The following TRAPPC12 variants were observed in gnomAD, a reference collection of about 807,000 sequenced individuals.
TRAPPC12 encodes the protein trafficking protein particle complex subunit 12.
In TRAPPC12, 61 loss-of-function variants were observed where a neutral mutation model predicts 69.2. The ratio of observed to expected loss-of-function variants is 0.88; its 90% CI spans 0.72 to 1.09. TRAPPC12 has a LOEUF of 1.09. TRAPPC12 is among the 50% of genes least tolerant of loss of function. The pLI is 0.00. For missense variants in TRAPPC12, 1,101 were observed against 1,016.4 expected, an observed-to-expected ratio of 1.08 and a Z score of -1.13; for synonymous variants, 469 against 438.9, an observed-to-expected ratio of 1.07 and a Z score of -0.86.
intron 1 of TRAPPC12, among the ~76,000 whole-genome samples, chr2:3,381,328 GTGTC>G (rs1474798566): frequency 6.6e-6 from 1 of 152,192 alleles, no homozygotes; most frequent in African/African-American, 2.4e-5. Context: ...TGTTTACAGA[GTGTC>G]TGTGTCCAGG....
chr2:3,478,227 AAC>A (rs1307221445), intron 10 of TRAPPC12: 2 of 160,706 alleles, frequency 1.2e-5, no homozygotes, highest in East Asian at 1.8e-4. Flanking sequence ...GTGAGGAGGA[AAC>A]ACGCCTTGGA....
At chr2:3,472,668 A>T (rs1044777537) in intron 9 of TRAPPC12, 6 of 152,248 alleles carry the variant, frequency 3.9e-5, no homozygotes, top group African/African-American at 1.4e-4. Flanking sequence ...GAAAAAGTAA[A>T]AAGACAACCT....
intron 11 of TRAPPC12, 67 bp downstream of exon 11, chr2:3,479,000 C>A: frequency 6.5e-7 from 1 of 1,536,830 alleles, no homozygotes; most frequent in Non-Finnish European, 9.0e-7. Context: ...CATACACCCA[C>A]ACACGTCTCA....
At chr2:3,476,008 G>A (rs551114276) in intron 9 of TRAPPC12, among the ~76,000 whole-genome samples, 2 of 152,326 alleles carry the variant, frequency 1.3e-5, no homozygotes, top group East Asian at 1.9e-4. Flanking sequence ...GCTGAGGGCC[G>A]CGTCACGGAG....
chr2:3,422,082 C>A (rs1662830974), intron 4 of TRAPPC12, 88 bp downstream of exon 4: 1 of 983,022 alleles, frequency 1.0e-6, no homozygotes, highest in Non-Finnish European at 1.6e-6. Flanking sequence ...ATGCCAATAA[C>A]AAAAAGTATG....
At chr2:3,459,338 C>T (rs773718210) in intron 7 of TRAPPC12, among the ~76,000 whole-genome samples, 1 of 152,240 alleles carries the variant, frequency 6.6e-6, no homozygotes, top group South Asian at 2.1e-4. Flanking sequence ...CAGATGGAAG[C>T]GTCCCTGGCC....
chr2:3,423,041 G>A lies in TRAPPC12; in HGVS notation c.1278+1047G>A, dbSNP rs535665870. On this transcript the variant is annotated intron_variant, in intron 4 of 11. Transcript: ENST00000324266. ...GATCACTTGGGCCTGGGGCTTCTGG[G>A]CCGTAGTGCACTTTGTTGATCAGGT... Among the ~76,000 whole-genome samples the A allele has an allele frequency of 5.9e-5, 9 of 152,336 alleles. No homozygotes were observed. The South Asian group carries it at 1.7e-3, about 28-fold the overall frequency.
At chr2:3,451,404 T>G (rs546924882) in intron 6 of TRAPPC12, among the ~76,000 whole-genome samples, 3 of 152,352 alleles carry the variant, frequency 2.0e-5, no homozygotes, top group South Asian at 2.1e-4. Flanking sequence ...ATCTGTTATT[T>G]TCTCCAAACT....
chr2:3,421,755 A>G (rs1233810294), intron 3 of TRAPPC12, 126 bp from the exon 4 acceptor site: 1 of 833,508 alleles, frequency 1.2e-6, no homozygotes, highest in Non-Finnish European at 2.0e-6. Flanking sequence ...TGTCACCATT[A>G]CTAACGGCTG....
intron 1 of TRAPPC12, among the ~76,000 whole-genome samples, chr2:3,385,300 T>A (rs1215331820): frequency 6.6e-6 from 1 of 152,174 alleles, no homozygotes; most frequent in Non-Finnish European, 1.5e-5. Context: ...TTAGGGCTTT[T>A]TATTACTTTG....
At chr2:3,439,717 C>T (rs1664090958) in intron 5 of TRAPPC12, among the ~76,000 whole-genome samples, 1 of 151,984 alleles carries the variant, frequency 6.6e-6, no homozygotes, top group Admixed American at 6.5e-5. Flanking sequence ...TGATTTTTTT[C>T]TTTCATGGAT....
chr2:3,473,155 G>A (rs185949325), intron 9 of TRAPPC12, among the ~76,000 whole-genome samples: 182 of 151,396 alleles, frequency 1.2e-3, no homozygotes, highest in Admixed American at 3.0e-3. Context: ...GTTCCCAGCA[G>A]GCCCTCGGGT....
rs1050368187 is a variant in TRAPPC12, at chr2:3,433,783, A to G, written c.1417+9120A>G. Among the ~76,000 whole-genome samples the G allele has an allele frequency of 4.1e-4, 62 of 152,240 alleles. 1 individual carries two copies. The highest frequency in any genetic ancestry group is 4.1e-3 in the Admixed American group (62 of 15,290). Reference sequence around the variant, plus strand: ...ATGAGAACACTTCTACAGTATTTATACCAACCTAGATTTTGGCAGGTCACA... The same window carrying G: ...ATGAGAACACTTCTACAGTATTTATGCCAACCTAGATTTTGGCAGGTCACA... On this transcript the variant is annotated intron_variant, in intron 5 of 11. Coordinates refer to ENST00000324266, the MANE Select transcript of TRAPPC12 (RefSeq NM_016030.6).
At chr2:3,465,353 G>A (rs577351575) in intron 8 of TRAPPC12, among the ~76,000 whole-genome samples, 10 of 152,272 alleles carry the variant, frequency 6.6e-5, no homozygotes, top group Admixed American at 2.6e-4. Context: ...GACAGCCCCC[G>A]GTGACAGGCA....
intron 5 of TRAPPC12, among the ~76,000 whole-genome samples, chr2:3,426,067 G>T (rs1371244556): frequency 2.0e-5 from 3 of 152,038 alleles, no homozygotes; most frequent in Non-Finnish European, 2.9e-5. Context: ...GGTGGGAATT[G>T]GTCCATATTA....
Position 3,477,742 on chromosome 2 carries a change from A to G in TRAPPC12, c.1824A>G (p.Lys608=). The G allele has an allele frequency of 6.2e-7, 1 of 1,608,784 alleles. No homozygotes were observed. Among genetic ancestry groups the G allele is most frequent in the Non-Finnish European group, 8.5e-7 (1 of 1,178,140 alleles). ...TAEKYFQDVE[K]VTQKLDGLQG... ...AAAAGTATTTTCAAGACGTTGAGAAAGTAACACAGAAATTAGATGGACTAC... is the reference window on the plus strand; with the variant it reads ...AAAAGTATTTTCAAGACGTTGAGAAGGTAACACAGAAATTAGATGGACTAC... Residue 608 remains lysine, a synonymous_variant, in exon 10 of 12, where the codon AAA becomes AAG. Coordinates refer to ENST00000324266, the MANE Select transcript of TRAPPC12 (RefSeq NM_016030.6).
At chr2:3,397,796 T>G (rs1262637082) in intron 2 of TRAPPC12, among the ~76,000 whole-genome samples, 2 of 152,242 alleles carry the variant, frequency 1.3e-5, no homozygotes, top group African/African-American at 4.8e-5. Flanking sequence ...TTGTTAATAA[T>G]TTAGCAAAAT....
chr2:3,459,257 CA>C (rs1289297123), intron 7 of TRAPPC12, among the ~76,000 whole-genome samples: 1 of 152,214 alleles, frequency 6.6e-6, no homozygotes, highest in Non-Finnish European at 1.5e-5. Context: ...TGGCACTTTG[CA>C]GTTGGAAGTG....
chr2:3,388,196 C>CTCG lies in TRAPPC12; in HGVS notation c.574_576dup (p.Ser192dup). ...CCAGCTTCGGTGGCGCCAGCGAGGC[C>CTCG]TCGGCCAGGACACCGCCCCAGGTCG... On this transcript the variant is annotated inframe_insertion, in exon 2 of 12. Coordinates refer to ENST00000324266, the MANE Select transcript of TRAPPC12 (RefSeq NM_016030.6). 1 of 1,609,410 alleles carries CTCG rather than the reference C, an allele frequency of 6.2e-7. No homozygotes were observed. Among genetic ancestry groups the CTCG allele is most frequent in the Non-Finnish European group, 8.5e-7 (1 of 1,178,000 alleles).
Sources: gnomAD v4.1 joint callset for allele counts (sites outside exome capture counted in the v4.1 genomes callset) on GRCh38, gnomAD v4.1.1 for gene constraint, MANE v1.5 for transcripts, NCBI Gene and HGNC (gene_info 2026-07-23, HGNC 2026-07-21) for gene names.